Variants in TRIO observed in about 807,000 individuals in gnomAD.
The protein encoded by TRIO is trio Rho guanine nucleotide exchange factor.
A neutral mutation model predicts 351.9 loss-of-function variants in TRIO; 58 were observed. That is an observed-to-expected ratio of 0.16 (90% CI 0.13 to 0.21). The LOEUF is 0.21. TRIO is among the 10% of genes least tolerant of loss of function. TRIO has a pLI of 1.00. For missense variants in TRIO, 3,201 were observed against 4,027.8 expected, an observed-to-expected ratio of 0.79 and a Z score of 5.56; for synonymous variants, 1,758 against 1,595.7, an observed-to-expected ratio of 1.10 and a Z score of -2.42.
intron 46 of TRIO, 68 bp from the exon 47 acceptor site, chr5:14,485,001 C>T (rs1755812410): frequency 1.4e-6 from 2 of 1,426,774 alleles, no homozygotes; most frequent in East Asian, 2.4e-5. Flanking sequence ...ATTCATCGGT[C>T]AGTGGACACA....
intron 1 of TRIO, among the ~76,000 whole-genome samples, chr5:14,238,925 G>A (rs1022431065): frequency 3.9e-5 from 6 of 152,184 alleles, no homozygotes; most frequent in Non-Finnish European, 7.4e-5. Context: ...TGGAAAATAA[G>A]TATAAAAACA....
At chr5:14,292,287 A>G (rs1241085652) in intron 5 of TRIO, among the ~76,000 whole-genome samples, 5 of 152,218 alleles carry the variant, frequency 3.3e-5, no homozygotes, top group African/African-American at 4.8e-5. Flanking sequence ...TGTCTAAGAG[A>G]CTGGAATACC....
At position 14,472,492 on chromosome 5, in the gene TRIO, T is replaced by C. The variant is rs1272725708; in HGVS notation, c.5913-100T>C. The C allele has an allele frequency of 2.5e-6, 3 of 1,208,360 alleles. No individual in the cohort carries two copies. In the African/African-American group the frequency reaches 4.5e-5, roughly 18 times the overall value. 74.9% of individuals were successfully genotyped at this position (1,208,360 alleles called of 1,614,324 possible). On this transcript the variant is annotated intron_variant, in intron 38 of 56. Transcript: ENST00000344204. ...TAAATGTACAAATTTGATACATTACTATTCAGTCCTGGAAGGAGTCCATCT... is the reference window on the plus strand; with the variant it reads ...TAAATGTACAAATTTGATACATTACCATTCAGTCCTGGAAGGAGTCCATCT...
At chr5:14,266,014 T>A (rs1483281913) in intron 1 of TRIO, among the ~76,000 whole-genome samples, 1 of 152,146 alleles carries the variant, frequency 6.6e-6, no homozygotes, top group Non-Finnish European at 1.5e-5. Flanking sequence ...ATTTGTTGGT[T>A]GAGTTCATTG....
intron 1 of TRIO, among the ~76,000 whole-genome samples, chr5:14,187,544 G>T (rs954549116): frequency 6.6e-6 from 1 of 152,290 alleles, no homozygotes; most frequent in African/African-American, 2.4e-5. Flanking sequence ...GTACCGAGGA[G>T]TGGGTCTAAC....
chr5:14,215,624 CT>C, intron 1 of TRIO, among the ~76,000 whole-genome samples: 1 of 152,244 alleles, frequency 6.6e-6, no homozygotes, highest in East Asian at 1.9e-4. Context: ...AGTTTGAGAT[CT>C]TTTAGCGCCA....
At chr5:14,257,601 T>C (rs1427686579) in intron 1 of TRIO, among the ~76,000 whole-genome samples, 1 of 152,132 alleles carries the variant, frequency 6.6e-6, no homozygotes, top group African/African-American at 2.4e-5. Context: ...GTGGGAAAGA[T>C]CTTCCCGAGT....
chr5:14,482,491 T>C (rs1755601926), intron 45 of TRIO, 91 bp from the exon 46 acceptor site: 3 of 1,014,040 alleles, frequency 3.0e-6, no homozygotes, highest in Admixed American at 3.8e-5. Flanking sequence ...CATTATTCCA[T>C]AGGAGGAAAT....
chr5:14,302,306 T>G (rs1737972066), intron 7 of TRIO, among the ~76,000 whole-genome samples: 1 of 152,238 alleles, frequency 6.6e-6, no homozygotes, highest in African/African-American at 2.4e-5. Context: ...ACGTTGCAAC[T>G]CCTCTTGGTT....
At chr5:14,478,473 C>T (rs1256379121) in intron 41 of TRIO, among the ~76,000 whole-genome samples, 1 of 152,058 alleles carries the variant, frequency 6.6e-6, no homozygotes, top group Non-Finnish European at 1.5e-5. Context: ...ACTCAGGGGG[C>T]CCTGGGGGTC....
In TRIO at chr5:14,150,756, G is replaced by T. The variant is rs188714409; in HGVS notation, c.157+6874G>T. ...GAACAAAATTGAGTTAATTTGGAAA[G>T]ATTTTATATCGATTTGAAAGATAGT... On this transcript the variant is annotated intron_variant, in intron 1 of 56. Transcript: ENST00000344204. Among the ~76,000 whole-genome samples, 282 of 152,266 alleles carry T rather than the reference G, an allele frequency of 1.9e-3. 1 individual carries two copies. The highest frequency in any genetic ancestry group is 6.5e-3 in the African/African-American group (271 of 41,548).
intron 41 of TRIO, 132 bp from the exon 42 acceptor site, chr5:14,479,129 C>G (rs887821599): frequency 1.4e-6 from 1 of 730,804 alleles, no homozygotes; most frequent in African/African-American, 1.8e-5. Context: ...AATTTACTCC[C>G]GAGAGCCTTA....
intron 2 of TRIO, among the ~76,000 whole-genome samples, chr5:14,274,116 TC>T (rs1245904325): frequency 6.6e-6 from 1 of 152,140 alleles, no homozygotes; most frequent in Non-Finnish European, 1.5e-5. Flanking sequence ...TTATTTCATA[TC>T]CCCCCAAAAA....
At chr5:14,261,176 G>C (rs536891605) in intron 1 of TRIO, among the ~76,000 whole-genome samples, 2 of 152,188 alleles carry the variant, frequency 1.3e-5, no homozygotes, top group African/African-American at 4.8e-5. Context: ...GTTCAGTGCT[G>C]GGAATTCAGT....
rs564617134 is a variant in TRIO, at chr5:14,474,073, A to G, written c.6059A>G (p.His2020Arg). The change falls in exon 40 of 57, where the codon CAT (histidine) becomes CGT (arginine). Residue 2020 changes from histidine to arginine, a missense_variant. By Grantham distance (29) the His-to-Arg change is conservative. Coordinates refer to ENST00000344204, the MANE Select transcript of TRIO (RefSeq NM_007118.4). The part of the protein sequence containing the change: ...GKDKIVFGNI[H>R]QIYDWHRDFF... Reference sequence around the variant, plus strand: ...GACAAAATTGTGTTCGGCAACATCCATCAGATTTACGACTGGCACAGAGAG... The same window carrying G: ...GACAAAATTGTGTTCGGCAACATCCGTCAGATTTACGACTGGCACAGAGAG... The G allele has an allele frequency of 1.9e-6, 3 of 1,613,596 alleles. No individual in the cohort carries two copies. The highest frequency in any genetic ancestry group is 1.7e-5 in the Admixed American group (1 of 60,028).
At position 14,488,246 on chromosome 5, in the gene TRIO, A is replaced by G. The variant is rs1034785220; in HGVS notation, c.7618A>G (p.Thr2540Ala). The change falls in exon 48 of 57, where the codon ACC becomes GCC. Residue 2540 changes from threonine (T) to alanine (A), a missense_variant. Thr to Ala is a moderately conservative substitution (Grantham distance 58). Transcript: ENST00000344204. ...GGCCAGCGAGCAGTCCGTGCAGTCCACCCAGAGCAACGGGGTAAGCGCGTC... is the reference window on the plus strand; with the variant it reads ...GGCCAGCGAGCAGTCCGTGCAGTCCGCCCAGAGCAACGGGGTAAGCGCGTC... ...SSASEQSVQS[T>A]QSNGSESSSS... 1 of 1,575,686 alleles carries G rather than the reference A, an allele frequency of 6.3e-7. No individual in the cohort carries two copies. Among genetic ancestry groups the G allele is most frequent in the African/African-American group, 1.3e-5 (1 of 74,396 alleles).
intron 11 of TRIO, among the ~76,000 whole-genome samples, chr5:14,338,422 G>A (rs1269989172): frequency 1.3e-5 from 2 of 152,186 alleles, no homozygotes; most frequent in African/African-American, 2.4e-5. Flanking sequence ...TTTGAGACAA[G>A]GATGGGCGTG....
rs575542479 is a variant in TRIO at position 14,242,710 on chromosome 5, G to T, written c.158-28115G>T. Among the ~76,000 whole-genome samples the T allele has an allele frequency of 3.3e-5, 5 of 152,302 alleles. No individual in the cohort carries two copies. The South Asian group carries it at 1.0e-3, about 32-fold the overall frequency. On this transcript the variant is annotated intron_variant, in intron 1 of 56. Transcript: ENST00000344204. ...CCACCTCAGCCTCCCGAGTAGCTGG[G>T]ACTGCAGGCGTGCCACCATGCCTGC...
chr5:14,275,575 C>CT (rs34438851), intron 2 of TRIO, among the ~76,000 whole-genome samples: 72,196 of 149,358 alleles, frequency 0.48, 18,254 homozygotes, highest in East Asian at 0.58. Context: ...TATAGGAAAA[C>CT]TTTTTTTTTT....
Sources: gnomAD v4.1 joint callset for allele counts (sites outside exome capture counted in the v4.1 genomes callset) on GRCh38, gnomAD v4.1.1 for gene constraint, MANE v1.5 for transcripts, NCBI Gene and HGNC (gene_info 2026-07-23, HGNC 2026-07-21) for gene names.